The following SOX5 variants were observed in gnomAD, a reference collection of about 807,000 sequenced individuals.
SOX5 encodes the protein SRY-box transcription factor 5.
SOX5 carries 9 observed loss-of-function variants against 92.0 expected under a neutral mutation model. That is an observed-to-expected ratio of 0.10 (90% CI 0.06 to 0.17). The LOEUF (loss-of-function observed/expected upper bound fraction) is 0.17, where lower values mean the gene tolerates loss of function less well. SOX5 is among the 10% of genes least tolerant of loss of function. The pLI is 1.00. For synonymous variants in SOX5, 344 were observed against 336.3 expected (o/e 1.02, Z -0.25); for missense variants, 642 against 944.5 (o/e 0.68, Z 4.20).
At chr12:24,143,961 G>A (rs1369912568) in intron 4 of SOX5, among the ~76,000 whole-genome samples, 1 of 151,466 alleles carries the variant, frequency 6.6e-6, no homozygotes, top group Non-Finnish European at 1.5e-5. Flanking sequence ...TACATCCACA[G>A]ATAAAAGAAA....
rs116009611 is a variant in SOX5 at position 23,787,446 on chromosome 12, A to G, written c.482-31722T>C. Among the ~76,000 whole-genome samples the G allele has an allele frequency of 3.0e-3, 461 of 152,122 alleles. 1 individual carries two copies. Among genetic ancestry groups the G allele is most frequent in the African/African-American group, 0.011 (450 of 41,570 alleles). On this transcript the variant is annotated intron_variant, in intron 3 of 14. Coordinates refer to ENST00000451604, the MANE Select transcript of SOX5 (RefSeq NM_006940.6). ...ATTTAAACCGACTAATTTTATATTA[A>G]AGGGCAGTTAGAAACCTTTCTTTTC...
intron 3 of SOX5, among the ~76,000 whole-genome samples, chr12:23,827,803 T>C (rs144640185): frequency 5.4e-4 from 83 of 152,348 alleles, no homozygotes; most frequent in African/African-American, 1.9e-3. Context: ...TTTTTTGTTT[T>C]TGTTTTTTGA....
At chr12:24,307,012 C>T (rs1043535521) in intron 2 of SOX5, among the ~76,000 whole-genome samples, 1 of 152,044 alleles carries the variant, frequency 6.6e-6, no homozygotes, top group South Asian at 2.1e-4. Flanking sequence ...GCAGGAAGAT[C>T]GCTTGAGCTC....
At chr12:23,795,300 AAGATTTT>A (rs1297702432) in intron 3 of SOX5, among the ~76,000 whole-genome samples, 1 of 151,972 alleles carries the variant, frequency 6.6e-6, no homozygotes, top group Non-Finnish European at 1.5e-5. Context: ...GGACTTGTAT[AAGATTTT>A]TCAAAGAACA....
chr12:24,122,754 C>T (rs757297858), intron 4 of SOX5, among the ~76,000 whole-genome samples: 19 of 152,024 alleles, frequency 1.2e-4, no homozygotes, highest in Non-Finnish European at 2.8e-4. Flanking sequence ...TGTTTTGTTT[C>T]CATTTCTTTC....
chr12:23,818,739 ATAT>A (rs1465471426), intron 3 of SOX5, among the ~76,000 whole-genome samples: 1 of 152,196 alleles, frequency 6.6e-6, no homozygotes, highest in Non-Finnish European at 1.5e-5. Flanking sequence ...ATACAAAAAC[ATAT>A]TATTTCCTTA....
chr12:24,247,000 T>TA (rs1196384160), intron 3 of SOX5, among the ~76,000 whole-genome samples: 1 of 152,076 alleles, frequency 6.6e-6, no homozygotes, highest in Non-Finnish European at 1.5e-5. Flanking sequence ...AATCACATTT[T>TA]AAAAAAAGAA....
chr12:24,556,954 C>G (rs1410355742), intron 1 of SOX5, among the ~76,000 whole-genome samples: 4 of 152,156 alleles, frequency 2.6e-5, no homozygotes, highest in Non-Finnish European at 4.4e-5. Flanking sequence ...AACCTAGACT[C>G]GACTGGGAGA....
intron 9 of SOX5, among the ~76,000 whole-genome samples, chr12:23,578,220 T>G (rs893750961): frequency 1.4e-5 from 2 of 146,546 alleles, no homozygotes; most frequent in Non-Finnish European, 3.0e-5. Context: ...TCTATATATA[T>G]GATGTCATAA....
At chr12:24,392,545 T>C (rs982758939) in intron 1 of SOX5, among the ~76,000 whole-genome samples, 3 of 152,126 alleles carry the variant, frequency 2.0e-5, no homozygotes, top group Admixed American at 2.0e-4. Context: ...AGGTCCCAGA[T>C]GTCATCTCCT....
intron 1 of SOX5, among the ~76,000 whole-genome samples, chr12:24,438,551 T>C (rs1314577019): frequency 2.0e-5 from 3 of 152,140 alleles, no homozygotes; most frequent in Non-Finnish European, 4.4e-5. Context: ...CCATTCTAGA[T>C]GCCATTAAGA....
At chr12:24,210,516 A>G (rs1198860762) in intron 4 of SOX5, among the ~76,000 whole-genome samples, 1 of 152,242 alleles carries the variant, frequency 6.6e-6, no homozygotes, top group Non-Finnish European at 1.5e-5. Context: ...AGGAGATAAA[A>G]TTCAGGACTT....
chr12:24,071,693 C>T (rs1254608961), intron 4 of SOX5, among the ~76,000 whole-genome samples: 1 of 152,156 alleles, frequency 6.6e-6, no homozygotes, highest in Admixed American at 6.5e-5. Context: ...CTCTGCCTCC[C>T]AAAGTGCTGG....
At chr12:24,077,767 A>G (rs1942809710) in intron 4 of SOX5, among the ~76,000 whole-genome samples, 1 of 106,008 alleles carries the variant, frequency 9.4e-6, no homozygotes, top group African/African-American at 3.6e-5. Context: ...TTCGAAAGGT[A>G]TTTTCATATA....
At chr12:24,306,322 T>C (rs1335078583) in intron 2 of SOX5, among the ~76,000 whole-genome samples, 1 of 152,162 alleles carries the variant, frequency 6.6e-6, no homozygotes, top group African/African-American at 2.4e-5. Flanking sequence ...TGTAATGTTT[T>C]TAGAATGCCA....
At chr12:24,478,852 A>G (rs1487463048) in intron 1 of SOX5, among the ~76,000 whole-genome samples, 1 of 152,206 alleles carries the variant, frequency 6.6e-6, no homozygotes, top group Non-Finnish European at 1.5e-5. Flanking sequence ...ATATATGCCA[A>G]ATGAAACTTT....
At chr12:24,398,461 A>G (rs2136594329) in intron 1 of SOX5, among the ~76,000 whole-genome samples, 1 of 152,268 alleles carries the variant, frequency 6.6e-6, no homozygotes, top group Middle Eastern at 3.4e-3. Flanking sequence ...CCAGGTTTGC[A>G]CCACTGCACT....
intron 1 of SOX5, among the ~76,000 whole-genome samples, chr12:24,374,814 C>T (rs191610473): frequency 1.3e-5 from 2 of 152,294 alleles, no homozygotes; most frequent in African/African-American, 4.8e-5. Context: ...AGTGATACAG[C>T]CTCCCCCAAA....
intron 2 of SOX5, among the ~76,000 whole-genome samples, chr12:24,310,318 T>C (rs994147205): frequency 6.6e-6 from 1 of 152,198 alleles, no homozygotes; most frequent in African/African-American, 2.4e-5. Flanking sequence ...AAAATATGAA[T>C]GTTACATGTG....
Sources: gnomAD v4.1 joint callset for allele counts (sites outside exome capture counted in the v4.1 genomes callset) on GRCh38, gnomAD v4.1.1 for gene constraint, MANE v1.5 for transcripts, NCBI Gene and HGNC (gene_info 2026-07-23, HGNC 2026-07-21) for gene names.